Variants in CFAP61 observed in about 807,000 individuals in gnomAD.
The protein encoded by CFAP61 is cilia and flagella associated protein 61.
A neutral mutation model predicts 135.6 loss-of-function variants in CFAP61; 107 were observed. The ratio of observed to expected loss-of-function variants is 0.79; its 90% CI spans 0.67 to 0.93. The LOEUF (loss-of-function observed/expected upper bound fraction) is 0.93. CFAP61 is among the 40% of genes least tolerant of loss of function. The pLI is 0.00. For missense variants in CFAP61, 1,507 were observed against 1,556.2 expected (o/e 0.97, Z 0.53); for synonymous variants, 575 against 578.5 (o/e 0.99, Z 0.09).
At chr20:20,273,369 G>A (rs146715850) in intron 21 of CFAP61, among the ~76,000 whole-genome samples, 105 of 152,200 alleles carry the variant, frequency 6.9e-4, no homozygotes, top group Admixed American at 1.3e-3. Flanking sequence ...ATCTAACATC[G>A]TTAAGGGGAA....
In CFAP61 at chr20:20,125,643, C is replaced by CT. The variant is rs532151269; in HGVS notation, c.860-17213dup. 1.3e-3 allele frequency among the ~76,000 whole-genome samples: 203 copies of CT among 151,772 alleles called. 3 individuals are homozygous for CT. The highest frequency in any genetic ancestry group is 2.1e-3 in the Non-Finnish European group (142 of 67,970). ...AGCTTGTTTTATGGCCTATCATGGT[C>CT]TATCTTGGAGAAAGGTCCATGTGCT... On this transcript the variant is annotated intron_variant, in intron 8 of 26. Coordinates refer to ENST00000245957, the MANE Select transcript of CFAP61 (RefSeq NM_015585.4).
At chr20:20,300,182 C>A (rs1305102837) in intron 25 of CFAP61, among the ~76,000 whole-genome samples, 1 of 152,136 alleles carries the variant, frequency 6.6e-6, no homozygotes, top group African/African-American at 2.4e-5. Context: ...CAGTTATGTC[C>A]AGTGCAGAAC....
intron 21 of CFAP61, 85 bp from the exon 22 acceptor site, chr20:20,277,081 C>A: frequency 9.3e-7 from 1 of 1,076,070 alleles, no homozygotes; most frequent in Non-Finnish European, 1.4e-6. Context: ...GAGGGTTATA[C>A]GGAGCAATTC....
At chr20:20,307,652 T>C (rs2056558523) in intron 25 of CFAP61, among the ~76,000 whole-genome samples, 1 of 152,246 alleles carries the variant, frequency 6.6e-6, no homozygotes, top group Non-Finnish European at 1.5e-5. Flanking sequence ...GTGCTTGCTA[T>C]ATCTTATTTT....
chr20:20,304,105 G>A (rs566902236), intron 25 of CFAP61, among the ~76,000 whole-genome samples: 10 of 152,246 alleles, frequency 6.6e-5, no homozygotes, highest in Admixed American at 3.9e-4. Context: ...GCTGTCAGCC[G>A]CCATGATGCA....
Position 20,277,209 on chromosome 20 carries a change from C to T in CFAP61, c.2547C>T (p.Thr849=). Residue 849 remains threonine (T), a synonymous_variant, in exon 22 of 27, where the codon ACC becomes ACT. Transcript: ENST00000245957. ...GGAATACAATTGATACTTACACCAC[C>T]GTGGAGACGCTCTTAAACCTTGGCG... ...VYGNTIDTYT[T]VETLLNLGVS... 3.7e-6 allele frequency: 6 copies of T among 1,613,468 alleles called. No homozygotes were observed. Among genetic ancestry groups the T allele is most frequent in the East Asian group, 2.2e-5 (1 of 44,880 alleles).
At chr20:20,329,198 C>T (rs950158095) in intron 25 of CFAP61, among the ~76,000 whole-genome samples, 1 of 152,162 alleles carries the variant, frequency 6.6e-6, no homozygotes, top group Non-Finnish European at 1.5e-5. Context: ...ACCGTCTTGT[C>T]ATCTCTTCCT....
At chr20:20,237,866 A>G (rs1007421826) in intron 18 of CFAP61, among the ~76,000 whole-genome samples, 1 of 152,016 alleles carries the variant, frequency 6.6e-6, no homozygotes, top group Non-Finnish European at 1.5e-5. Context: ...TCTGAAATTC[A>G]TTTTCTTGTT....
intron 22 of CFAP61, among the ~76,000 whole-genome samples, chr20:20,277,691 A>G (rs925211372): frequency 6.6e-6 from 1 of 152,166 alleles, no homozygotes; most frequent in African/African-American, 2.4e-5. Flanking sequence ...TTATTATTTT[A>G]TTATCCTTAT....
chr20:20,302,212 T>A (rs1034097726), intron 25 of CFAP61, among the ~76,000 whole-genome samples: 2 of 152,274 alleles, frequency 1.3e-5, no homozygotes, highest in African/African-American at 4.8e-5. Flanking sequence ...TATGGTTCTG[T>A]ATTCTGAAAG....
In CFAP61 at chr20:20,314,319, G is replaced by A. The variant is rs143305737; in HGVS notation, c.3422+15933G>A. ...GTGAGAGGATCACTCAAACCTGGGAGGCAGAGGCTGCATTGAGCCAAGATT... is the reference window on the plus strand; with the variant it reads ...GTGAGAGGATCACTCAAACCTGGGAAGCAGAGGCTGCATTGAGCCAAGATT... On this transcript the variant is annotated intron_variant, in intron 25 of 26. Coordinates refer to ENST00000245957, the MANE Select transcript of CFAP61 (RefSeq NM_015585.4). Among the ~76,000 whole-genome samples, 164 of 150,614 alleles carry A rather than the reference G, an allele frequency of 1.1e-3. 2 individuals are homozygous for A. The East Asian group carries it at 0.028, about 26-fold the overall frequency.
chr20:20,234,491 G>A (rs2049420628), intron 18 of CFAP61, among the ~76,000 whole-genome samples: 1 of 152,198 alleles, frequency 6.6e-6, no homozygotes, highest in Admixed American at 6.5e-5. Context: ...GATTTTGTGG[G>A]TTTCTTGCAG....
chr20:20,078,865 C>G (rs148522804), intron 6 of CFAP61, among the ~76,000 whole-genome samples: 68 of 152,132 alleles, frequency 4.5e-4, no homozygotes, highest in African/African-American at 1.5e-3. Context: ...GCCAAACTGA[C>G]CAAGAAAAAA....
chr20:20,345,102 G>T (rs2058582218), intron 26 of CFAP61, among the ~76,000 whole-genome samples: 1 of 152,208 alleles, frequency 6.6e-6, no homozygotes, highest in South Asian at 2.1e-4. Flanking sequence ...AGGCTGTGAA[G>T]GGTGGCAAGA....
At chr20:20,290,457 T>A (rs1015691695) in intron 24 of CFAP61, 66 bp downstream of exon 24, 2 of 1,101,468 alleles carry the variant, frequency 1.8e-6, no homozygotes. Flanking sequence ...GAGGATGAAA[T>A]TCTTTACTTG....
chr20:20,199,988 G>T, intron 17 of CFAP61, 86 bp downstream of exon 17: 1 of 1,476,180 alleles, frequency 6.8e-7, no homozygotes, highest in South Asian at 1.2e-5. Flanking sequence ...CTTCACAGGA[G>T]CAGGCTGCTT....
chr20:20,302,047 C>A (rs1305414169), intron 25 of CFAP61, among the ~76,000 whole-genome samples: 2 of 152,088 alleles, frequency 1.3e-5, no homozygotes, highest in Non-Finnish European at 2.9e-5. Context: ...TTTAGGTATT[C>A]TTTAATGTCT....
chr20:20,347,891 C>T (rs1164681821), intron 26 of CFAP61, among the ~76,000 whole-genome samples: 1 of 148,284 alleles, frequency 6.7e-6, no homozygotes, highest in Non-Finnish European at 1.5e-5. Flanking sequence ...CGAGATCATG[C>T]CATTGCACTC....
chr20:20,074,709 A>C (rs1034973469), intron 4 of CFAP61, among the ~76,000 whole-genome samples: 5 of 152,222 alleles, frequency 3.3e-5, no homozygotes, highest in African/African-American at 9.6e-5. Context: ...TTATCTTTAG[A>C]AATGTTTATT....
Sources: gnomAD v4.1 joint callset for allele counts (sites outside exome capture counted in the v4.1 genomes callset) on GRCh38, gnomAD v4.1.1 for gene constraint, MANE v1.5 for transcripts, NCBI Gene and HGNC (gene_info 2026-07-23, HGNC 2026-07-21) for gene names.